The following BPNT1 variants were observed in gnomAD, a reference collection of about 807,000 sequenced individuals.
BPNT1 encodes the protein 3'(2'),5'-bisphosphate nucleotidase 1.
Under a neutral mutation model 36.9 loss-of-function variants are expected in BPNT1, and 28 were observed. The ratio of observed to expected loss-of-function variants is 0.76; its 90% CI spans 0.56 to 1.04. BPNT1 has a LOEUF of 1.04. BPNT1 is among the 50% of genes least tolerant of loss of function. The probability of loss-of-function intolerance (pLI) is 0.00; values close to 1 mark genes in which losing one functional copy is unlikely to be tolerated. For synonymous variants in BPNT1, 119 were observed against 130.9 expected (o/e 0.91, Z 0.62); for missense variants, 313 against 372.9 (o/e 0.84, Z 1.32).
At chr1:220,075,673 T>C (rs921770109) in intron 2 of BPNT1, among the ~76,000 whole-genome samples, 1 of 152,218 alleles carries the variant, frequency 6.6e-6, no homozygotes, top group African/African-American at 2.4e-5. Flanking sequence ...AATTTTCTTT[T>C]CCTCGCTAAG....
At chr1:220,070,662 C>T (rs896431482) in intron 4 of BPNT1, among the ~76,000 whole-genome samples, 1 of 151,262 alleles carries the variant, frequency 6.6e-6, no homozygotes, top group Non-Finnish European at 1.5e-5. Flanking sequence ...TGGGGTTTCA[C>T]CATGTTGGCC....
rs1137752 is a variant in BPNT1 at position 220,058,801 on chromosome 1, T to C, written c.*43A>G. ...GCCTCGGCCTCCCAAAGTGCTGGGA[T>C]TACAGGCATGAGCCACCGCGCCCGG... is the stretch of plus-strand genomic sequence containing the variant. On this transcript the variant is annotated 3_prime_UTR_variant, in exon 9 of 9. Coordinates refer to ENST00000322067, the MANE Select transcript of BPNT1 (RefSeq NM_006085.6). 1.3e-6 allele frequency: 2 copies of C among 1,588,578 alleles called. No homozygotes were observed. Among genetic ancestry groups the C allele is most frequent in the South Asian group, 2.2e-5 (2 of 90,464 alleles).
At chr1:220,069,473 A>G (rs963116443) in intron 4 of BPNT1, 41 bp from the exon 5 acceptor site, 57 of 1,502,084 alleles carry the variant, frequency 3.8e-5, no homozygotes, top group African/African-American at 2.1e-4. Context: ...TAAATCAAGC[A>G]CACAAAATTC....
rs766583037 is a variant in BPNT1, at chr1:220,058,833, G to A, written c.*11C>T. On this transcript the variant is annotated 3_prime_UTR_variant, in exon 9 of 9. Transcript: ENST00000322067. ...CATGAGCCACCGCGCCCGGCCAAATGAAACTTTCCTTTAAGGAACAAGTGC... is the reference window on the plus strand; with the variant it reads ...CATGAGCCACCGCGCCCGGCCAAATAAAACTTTCCTTTAAGGAACAAGTGC... 5 of 1,613,376 alleles carry A rather than the reference G, an allele frequency of 3.1e-6. No homozygotes were observed. The African/African-American group carries it at 4.0e-5, about 13-fold the overall frequency.
rs558544452 is a variant in BPNT1 at position 220,071,996 on chromosome 1, T to C, written c.333+854A>G. Among the ~76,000 whole-genome samples the C allele has an allele frequency of 7.9e-5, 12 of 152,100 alleles. No homozygotes were observed. The South Asian group carries it at 2.1e-3, about 26-fold the overall frequency. On this transcript the variant is annotated intron_variant, in intron 4 of 8. Transcript: ENST00000322067. ...GCCACCATGGCCAGCGTGAAACCTA[T>C]ACATCTATGGCCTGCTGATTTTTCA...
At chr1:220,079,613 A>C in intron 2 of BPNT1, 114 bp downstream of exon 2, 1 of 1,319,194 alleles carries the variant, frequency 7.6e-7, no homozygotes, top group Non-Finnish European at 1.1e-6. Flanking sequence ...CAGTCTCCCT[A>C]AGGGAGCCAT....
chr1:220,080,290 G>A (rs193084094), intron 1 of BPNT1, among the ~76,000 whole-genome samples: 2 of 152,288 alleles, frequency 1.3e-5, no homozygotes, highest in East Asian at 1.9e-4. Context: ...ACTAGGCAGC[G>A]CCAAAAGAGG....
In BPNT1 at chr1:220,061,543, A is replaced by AC. The variant is rs531271353; in HGVS notation, c.672+1213_672+1214insG. 5.2e-4 allele frequency among the ~76,000 whole-genome samples: 79 copies of AC among 151,912 alleles called. 2 individuals are homozygous for AC. In the South Asian group the frequency reaches 0.015, roughly 30 times the overall value. On this transcript the variant is annotated intron_variant, in intron 7 of 8. Coordinates refer to ENST00000322067, the MANE Select transcript of BPNT1 (RefSeq NM_006085.6). ...AGTAAGACTCCGTCTCAAAAAAAAA[A>AC]AAAAAACAAAAAACTATTCAGAAGA... is the stretch of plus-strand genomic sequence containing the variant.
intron 2 of BPNT1, among the ~76,000 whole-genome samples, chr1:220,078,926 A>G (rs1227405699): frequency 6.6e-6 from 1 of 152,148 alleles, no homozygotes; most frequent in Admixed American, 6.6e-5. Context: ...GAACACAAAC[A>G]TGGTGGTATT....
chr1:220,076,590 CAGG>C (rs1326953142), intron 2 of BPNT1, among the ~76,000 whole-genome samples: 2 of 150,344 alleles, frequency 1.3e-5, no homozygotes, highest in African/African-American at 4.9e-5. Context: ...GAGGCTGAGG[CAGG>C]AGAATCGCTT....
chr1:220,071,082 G>A (rs1196045876), intron 4 of BPNT1, among the ~76,000 whole-genome samples: 1 of 151,440 alleles, frequency 6.6e-6, no homozygotes, highest in Non-Finnish European at 1.5e-5. Flanking sequence ...GGTTGGTCTC[G>A]ATCTCCTGAC....
intron 1 of BPNT1, among the ~76,000 whole-genome samples, chr1:220,087,340 A>C (rs1280437903): frequency 1.3e-5 from 2 of 152,086 alleles, no homozygotes; most frequent in Non-Finnish European, 2.9e-5. Context: ...GCGGATGACG[A>C]GGTCAGGAGT....
At chr1:220,082,089 G>T (rs200078681) in intron 1 of BPNT1, among the ~76,000 whole-genome samples, 20,705 of 99,860 alleles carry the variant, frequency 0.21, 1,685 homozygotes, top group East Asian at 0.3. Flanking sequence ...TATATATAGA[G>T]AGAGAGAGAG....
At chr1:220,061,513 AAC>A (rs1216627800) in intron 7 of BPNT1, among the ~76,000 whole-genome samples, 1 of 150,612 alleles carries the variant, frequency 6.6e-6, no homozygotes, top group East Asian at 1.9e-4. Flanking sequence ...CAGCCTGGGC[AAC>A]AGAGTAAGAC....
At chr1:220,079,101 G>C (rs568949058) in intron 2 of BPNT1, among the ~76,000 whole-genome samples, 1 of 152,032 alleles carries the variant, frequency 6.6e-6, no homozygotes, top group Non-Finnish European at 1.5e-5. Flanking sequence ...AGATTTTACC[G>C]AACATGTTGA....
chr1:220,082,084 ATAG>A (rs1655199600), intron 1 of BPNT1, among the ~76,000 whole-genome samples: 1 of 93,982 alleles, frequency 1.1e-5, no homozygotes, highest in African/African-American at 3.5e-5. Flanking sequence ...ATATATATAT[ATAG>A]AGAGAGAGAG....
chr1:220,066,241 A>T, intron 6 of BPNT1: 3 of 534,164 alleles, frequency 5.6e-6, no homozygotes, highest in Middle Eastern at 4.7e-4. Flanking sequence ...TATGAATTAA[A>T]TGCCCCTTTT....
intron 1 of BPNT1, 23 bp from the exon 2 acceptor site, chr1:220,079,877 G>C (rs1198754591): frequency 1.9e-6 from 3 of 1,599,626 alleles, no homozygotes; most frequent in South Asian, 2.3e-5. Flanking sequence ...CAAGAAAAAT[G>C]TCTTGTTAGT....
At chr1:220,077,167 T>A (rs1335093183) in intron 2 of BPNT1, among the ~76,000 whole-genome samples, 1 of 152,198 alleles carries the variant, frequency 6.6e-6, no homozygotes, top group Non-Finnish European at 1.5e-5. Flanking sequence ...TTTAAATTTG[T>A]GGATAATGTT....
Sources: gnomAD v4.1 joint callset for allele counts (sites outside exome capture counted in the v4.1 genomes callset) on GRCh38, gnomAD v4.1.1 for gene constraint, MANE v1.5 for transcripts, NCBI Gene and HGNC (gene_info 2026-07-23, HGNC 2026-07-21) for gene names.